CELF4: variants seen among roughly 807,000 people sequenced by gnomAD.
CELF4 encodes the protein CUGBP Elav-like family member 4.
Under a neutral mutation model 59.9 loss-of-function variants are expected in CELF4, and 18 were observed. That is an observed-to-expected ratio of 0.30 (90% confidence interval 0.21 to 0.45). CELF4 has a LOEUF of 0.45. CELF4 is among the 20% of genes least tolerant of loss of function. The pLI is 1.00. For missense variants in CELF4, 456 were observed against 689.0 expected (o/e 0.66, Z 3.79); for synonymous variants, 261 against 267.1 (o/e 0.98, Z 0.22).
At chr18:37,379,333 T>C (rs1233299430) in intron 2 of CELF4, among the ~76,000 whole-genome samples, 2 of 151,932 alleles carry the variant, frequency 1.3e-5, no homozygotes, top group African/African-American at 4.8e-5. Context: ...TGGGCTGCCA[T>C]CCTAAAAGGG....
chr18:37,428,660 A>G (rs2099629194), intron 2 of CELF4, among the ~76,000 whole-genome samples: 1 of 152,174 alleles, frequency 6.6e-6, no homozygotes, highest in African/African-American at 2.4e-5. Context: ...AATCTCAGTT[A>G]TGTACCAACT....
intron 3 of CELF4, among the ~76,000 whole-genome samples, chr18:37,298,189 C>T (rs1021516504): frequency 6.6e-6 from 1 of 152,188 alleles, no homozygotes; most frequent in Non-Finnish European, 1.5e-5. Flanking sequence ...CCAGGAATAT[C>T]TTGAGAGTGT....
At chr18:37,294,868 A>G (rs953921663) in intron 3 of CELF4, among the ~76,000 whole-genome samples, 2 of 152,252 alleles carry the variant, frequency 1.3e-5, no homozygotes, top group Non-Finnish European at 2.9e-5. Flanking sequence ...TATGACATTT[A>G]TCAACATTTC....
chr18:37,311,659 C>T lies in CELF4; in HGVS notation c.448+10144G>A, dbSNP rs999761182. ...AAAAAATTAGCTGGGCATGGTGGCA[C>T]GCGCCTATAATCCCAGCTACTCAGA... On this transcript the variant is annotated intron_variant, in intron 3 of 12. Transcript: ENST00000420428. Among the ~76,000 whole-genome samples, 20 of 150,902 alleles carry T rather than the reference C, an allele frequency of 1.3e-4. No individual in the cohort carries two copies. In the South Asian group the frequency reaches 2.1e-3, roughly 16 times the overall value.
intron 2 of CELF4, among the ~76,000 whole-genome samples, chr18:37,374,752 C>G (rs1196218782): frequency 6.6e-6 from 1 of 152,192 alleles, no homozygotes; most frequent in African/African-American, 2.4e-5. Context: ...AGTGGATAAG[C>G]ATTGTCCTTA....
intron 2 of CELF4, among the ~76,000 whole-genome samples, chr18:37,423,109 C>T (rs1220670346): frequency 6.6e-5 from 10 of 150,722 alleles, no homozygotes; most frequent in Admixed American, 1.3e-4. Flanking sequence ...GAGAGACAGA[C>T]AGACAGACAG....
rs201347480 is a variant in CELF4 at position 37,416,255 on chromosome 18, A to G, written c.369+69270T>C. ...CTATCCATCCATCCATCCATCCAAT[A>G]TATTGCCTGCCATTTGAAGTATCTG... On this transcript the variant is annotated intron_variant, in intron 2 of 12. Transcript: ENST00000420428. Among the ~76,000 whole-genome samples, 10 of 142,832 alleles carry G rather than the reference A, an allele frequency of 7.0e-5. No homozygotes were observed. In the East Asian group the frequency reaches 1.0e-3, roughly 15 times the overall value. 93.7% of individuals were successfully genotyped at this position (142,832 alleles called of 152,430 possible). A position where few individuals can be genotyped will look rare whatever the true frequency, so the allele number is the denominator to read the frequency against.
intron 1 of CELF4, among the ~76,000 whole-genome samples, chr18:37,502,539 G>A (rs2099932977): frequency 6.6e-6 from 1 of 152,218 alleles, no homozygotes; most frequent in Non-Finnish European, 1.5e-5. Flanking sequence ...AGTGGCCCAG[G>A]AGAAAGGCTC....
At chr18:37,304,629 T>C (rs2096279741) in intron 3 of CELF4, among the ~76,000 whole-genome samples, 1 of 152,246 alleles carries the variant, frequency 6.6e-6, no homozygotes, top group South Asian at 2.1e-4. Context: ...AGAGGCAGGT[T>C]CATTTTTAGG....
At chr18:37,274,243 T>C in intron 6 of CELF4, 68 bp downstream of exon 6, 5 of 1,587,522 alleles carry the variant, frequency 3.1e-6, no homozygotes, top group East Asian at 4.5e-5. Flanking sequence ...TTCGGTTTCA[T>C]GTCCCGCTCT....
At chr18:37,485,670 C>T in intron 1 of CELF4, 63 bp from the exon 2 acceptor site, 1 of 1,117,344 alleles carries the variant, frequency 8.9e-7, no homozygotes, top group Non-Finnish European at 1.2e-6. Context: ...CCGACGCGCC[C>T]TGCCGCCCGC....
intron 2 of CELF4, among the ~76,000 whole-genome samples, chr18:37,383,319 A>T (rs1429376577): frequency 1.3e-5 from 2 of 152,170 alleles, no homozygotes; most frequent in African/African-American, 4.8e-5. Flanking sequence ...CTGCAGCAGG[A>T]AATGGCCCTG....
Position 37,253,059 on chromosome 18 carries a change from G to A in CELF4, c.*44+708C>T, listed in dbSNP as rs1351282646. On this transcript the variant is annotated intron_variant, in intron 12 of 12. Transcript: ENST00000420428. This position sits in a 1 kb window ranked among gnomAD's most constrained non-coding sequence, Gnocchi z 4.5. ...GAACTTTGCTCAGGGGAACACGTGGGCTGGAAGAGGCGTGGCTGACTGTGT... is the reference window on the plus strand; with the variant it reads ...GAACTTTGCTCAGGGGAACACGTGGACTGGAAGAGGCGTGGCTGACTGTGT... Among the ~76,000 whole-genome samples the A allele has an allele frequency of 6.6e-6, 1 of 152,116 alleles. No individual in the cohort carries two copies. The highest frequency in any genetic ancestry group is 1.5e-5 in the Non-Finnish European group (1 of 68,024).
rs529560680 is a variant in CELF4 at position 37,293,501 on chromosome 18, G to A, written c.449-18258C>T. 3.5e-4 allele frequency among the ~76,000 whole-genome samples: 54 copies of A among 152,260 alleles called. No homozygotes were observed. In the South Asian group the frequency reaches 0.011, roughly 30 times the overall value. ...TTTAGGGCCAGTATGAATCCAGTAT[G>A]ACCTCATTTTAACTTGATTACATTT... On this transcript the variant is annotated intron_variant, in intron 3 of 12. Transcript: ENST00000420428.
At chr18:37,274,015 T>C in intron 6 of CELF4, 1 of 1,236,818 alleles carries the variant, frequency 8.1e-7, no homozygotes, top group Non-Finnish European at 1.0e-6. Flanking sequence ...AACGTTGATC[T>C]GGCTGAGAGG....
chr18:37,305,856 A>G (rs1472165592), intron 3 of CELF4: 1 of 152,382 alleles, frequency 6.6e-6, no homozygotes, highest in South Asian at 2.1e-4. Flanking sequence ...CTGATGGTCA[A>G]CTTAGTGCTT....
chr18:37,381,517 A>T (rs1026805601), intron 2 of CELF4, among the ~76,000 whole-genome samples: 6 of 152,068 alleles, frequency 3.9e-5, no homozygotes, highest in African/African-American at 1.4e-4. Context: ...TAGGGTAGGG[A>T]CTGAACACTC....
chr18:37,464,191 G>A (rs191744283), intron 2 of CELF4, among the ~76,000 whole-genome samples: 377 of 152,314 alleles, frequency 2.5e-3, no homozygotes, highest in Middle Eastern at 6.8e-3. Flanking sequence ...CACGGGGCTC[G>A]GGCTGGTGAG....
intron 2 of CELF4, among the ~76,000 whole-genome samples, chr18:37,400,852 C>T (rs1325903273): frequency 6.6e-6 from 1 of 152,222 alleles, no homozygotes; most frequent in Non-Finnish European, 1.5e-5. Context: ...GAGTTTTCCA[C>T]AGATGGAGAC....
Sources: gnomAD v4.1 joint callset for allele counts (sites outside exome capture counted in the v4.1 genomes callset) on GRCh38, gnomAD v4.1.1 for gene constraint, Gnocchi (gnomAD v3.1) non-coding constraint, MANE v1.5 for transcripts, NCBI Gene and HGNC (gene_info 2026-07-23, HGNC 2026-07-21) for gene names.